Variants in ATP11B observed in about 807,000 individuals in gnomAD.
The protein encoded by ATP11B is phospholipid-transporting ATPase IF.
ATP11B carries 81 observed loss-of-function variants against 157.8 expected under a neutral mutation model. The ratio of observed to expected loss-of-function variants is 0.51; its 90% CI spans 0.43 to 0.62. The LOEUF (loss-of-function observed/expected upper bound fraction) is 0.62, where lower values mean the gene tolerates loss of function less well. ATP11B is among the 20% of genes least tolerant of loss of function. The probability of loss-of-function intolerance (pLI) is 0.00; values close to 1 mark genes in which losing one functional copy is unlikely to be tolerated. For missense variants in ATP11B, 1,165 were observed against 1,402.2 expected (o/e 0.83, Z 2.70); for synonymous variants, 451 against 469.4 (o/e 0.96, Z 0.51).
At chr3:182,871,153 C>G (rs1047701156) in intron 17 of ATP11B, among the ~76,000 whole-genome samples, 1 of 151,862 alleles carries the variant, frequency 6.6e-6, no homozygotes. Context: ...TAAAACATAG[C>G]CAAGCGTGGT....
chr3:182,914,297 G>A, intron 29 of ATP11B: 1 of 1,053,506 alleles, frequency 9.5e-7, no homozygotes. Context: ...CTCTTTTATG[G>A]TTTGTATAAC....
chr3:182,835,271 ATT>A (rs2108509873), intron 4 of ATP11B, among the ~76,000 whole-genome samples: 1 of 152,320 alleles, frequency 6.6e-6, no homozygotes, highest in South Asian at 2.1e-4. Context: ...ACTAATTATA[ATT>A]CTGTCAGTCT....
rs1560092607 is a variant in ATP11B at position 182,859,143 on chromosome 3, ATTAT to A, written c.1003-16_1003-13del. 4 of 1,563,116 alleles carry A rather than the reference ATTAT, an allele frequency of 2.6e-6. No individual in the cohort carries two copies. Among genetic ancestry groups the A allele is most frequent in the Non-Finnish European group, 3.5e-6 (4 of 1,147,646 alleles). ...CTAGTTTATTTTTTCTTTTCAAACA[ATTAT>A]TTCCTTTTTTCTAGATTCTGAGATT... On this transcript the variant is annotated splice_polypyrimidine_tract_variant and intron_variant, in intron 11 of 29. Coordinates refer to ENST00000323116, the MANE Select transcript of ATP11B (RefSeq NM_014616.3).
intron 17 of ATP11B, among the ~76,000 whole-genome samples, chr3:182,870,412 A>AT (rs1370135965): frequency 4.6e-5 from 7 of 151,922 alleles, no homozygotes; most frequent in Non-Finnish European, 8.8e-5. Flanking sequence ...ACAGTTTATG[A>AT]TTTTTTTCCC....
At chr3:182,913,193 A>G (rs180972346) in intron 28 of ATP11B, among the ~76,000 whole-genome samples, 18 of 152,340 alleles carry the variant, frequency 1.2e-4, no homozygotes, top group Non-Finnish European at 8.8e-5. Context: ...AACTGTTACA[A>G]AGCAGGATGA....
intron 2 of ATP11B, among the ~76,000 whole-genome samples, chr3:182,826,523 C>A (rs535838907): frequency 7.9e-5 from 12 of 152,184 alleles, no homozygotes; most frequent in Non-Finnish European, 1.5e-4. Context: ...ACACAATTAC[C>A]ATCTCATGTG....
intron 29 of ATP11B, chr3:182,915,768 C>G (rs771839403): frequency 5.8e-5 from 57 of 984,948 alleles, no homozygotes; most frequent in Non-Finnish European, 6.5e-5. Flanking sequence ...GAACCTGCCC[C>G]AGGAGTTATT....
intron 19 of ATP11B, among the ~76,000 whole-genome samples, chr3:182,875,345 G>A (rs145302890): frequency 9.2e-5 from 14 of 152,298 alleles, no homozygotes; most frequent in African/African-American, 2.2e-4. Flanking sequence ...GCATTTATGT[G>A]ATACCAAGTC....
intron 4 of ATP11B, among the ~76,000 whole-genome samples, chr3:182,831,502 A>C (rs565290420): frequency 6.6e-6 from 1 of 152,154 alleles, no homozygotes; most frequent in Non-Finnish European, 1.5e-5. Flanking sequence ...TGACCAAAAC[A>C]TGTCTTTTCA....
chr3:182,800,311 T>C (rs538416051), intron 1 of ATP11B, among the ~76,000 whole-genome samples: 2 of 151,364 alleles, frequency 1.3e-5, no homozygotes, highest in South Asian at 4.2e-4. Flanking sequence ...AACCCCAAAC[T>C]CCTGGGCTCA....
intron 21 of ATP11B, among the ~76,000 whole-genome samples, chr3:182,881,565 A>G (rs1189535340): frequency 6.6e-6 from 1 of 152,020 alleles, no homozygotes; most frequent in Non-Finnish European, 1.5e-5. Context: ...AACTTCCTAT[A>G]ATTAAGCCCA....
intron 8 of ATP11B, 150 bp from the exon 9 acceptor site, chr3:182,845,308 C>T: frequency 1.7e-6 from 1 of 603,666 alleles, no homozygotes; most frequent in Non-Finnish European, 2.8e-6. Flanking sequence ...CGCCCGGCCC[C>T]TGGGCAGCTT....
chr3:182,806,712 A>G (rs1307429920), intron 1 of ATP11B, among the ~76,000 whole-genome samples: 2 of 152,142 alleles, frequency 1.3e-5, no homozygotes, highest in Non-Finnish European at 2.9e-5. Context: ...CTCTTTCTGC[A>G]TATGTGCCTG....
chr3:182,842,114 A>T lies in ATP11B; in HGVS notation c.696A>T (p.Glu232Asp). 1 of 1,604,178 alleles carries T rather than the reference A, an allele frequency of 6.2e-7. No individual in the cohort carries two copies. The highest frequency in any genetic ancestry group is 8.5e-7 in the Non-Finnish European group (1 of 1,171,934). ...GRMIITQQME[E>D]IVRPLGPESL... ...TGATCATAACCCAACAAATGGAAGA[A>T]ATTGTAAGGTAAGAATTAATTTGTG... The change falls in exon 8 of 30, where the codon GAA becomes GAT. Residue 232 changes from glutamate to aspartate, a missense_variant. Glu to Asp is a conservative substitution (Grantham distance 45). This residue lies in a region of ATP11B where 737 missense variants were observed against 930.5 expected (regional missense o/e 0.79). Coordinates refer to ENST00000323116, the MANE Select transcript of ATP11B (RefSeq NM_014616.3).
intron 1 of ATP11B, among the ~76,000 whole-genome samples, chr3:182,808,299 G>A (rs962727295): frequency 6.6e-6 from 1 of 152,148 alleles, no homozygotes; most frequent in Non-Finnish European, 1.5e-5. Flanking sequence ...GTGTTTTCCT[G>A]TTGAAGTTCC....
rs980360341 is a variant in ATP11B, at chr3:182,919,147, G to A, written c.*1043G>A. On this transcript the variant is annotated 3_prime_UTR_variant, in exon 30 of 30. Transcript: ENST00000323116. ...AAAAGAAGAGCCTCTTTCTGCAGCC[G>A]ACTTAGACATGCTCTTCCCTTTCTA... 1.3e-5 allele frequency: 2 copies of A among 152,446 alleles called. No homozygotes were observed. Among genetic ancestry groups the A allele is most frequent in the Non-Finnish European group, 2.9e-5 (2 of 67,998 alleles). 9.4% of individuals were successfully genotyped at this position (152,446 alleles called of 1,614,324 possible). A position where few individuals can be genotyped will look rare whatever the true frequency, so the allele number is the denominator to read the frequency against.
chr3:182,875,416 TTTTGTTG>T (rs146589756), intron 19 of ATP11B, among the ~76,000 whole-genome samples: 5,713 of 152,200 alleles, frequency 0.038, 359 homozygotes, highest in African/African-American at 0.13. Flanking sequence ...GCAGGGGATT[TTTTGTTG>T]TTGTTGTTTT....
chr3:182,841,689 A>C (rs1169538712), intron 7 of ATP11B, among the ~76,000 whole-genome samples: 1 of 152,134 alleles, frequency 6.6e-6, no homozygotes, highest in African/African-American at 2.4e-5. Context: ...ATGTGTAAGA[A>C]TGGTGCAGGC....
intron 6 of ATP11B, among the ~76,000 whole-genome samples, 195 bp from the exon 7 acceptor site, chr3:182,836,876 C>T (rs1718593480): frequency 3.9e-5 from 6 of 152,016 alleles, no homozygotes; most frequent in Admixed American, 3.9e-4. Context: ...TGCAAATGGC[C>T]TCTTTAGACA....
Sources: gnomAD v4.1 joint callset for allele counts (sites outside exome capture counted in the v4.1 genomes callset) on GRCh38, gnomAD v4.1.1 for gene constraint, gnomAD v4.1.1 regional missense constraint, MANE v1.5 for transcripts, NCBI Gene and HGNC (gene_info 2026-07-23, HGNC 2026-07-21) for gene names.